The following MYT1L variants were observed in gnomAD, a reference collection of about 807,000 sequenced individuals.
MYT1L encodes myelin transcription factor 1 like.
In MYT1L, 12 loss-of-function variants were observed where a neutral mutation model predicts 126.7. The observed-to-expected ratio is 0.09, with a 90% CI of 0.06 to 0.15. MYT1L has a LOEUF of 0.15. Ranked by LOEUF, MYT1L falls within the 10% of genes least tolerant of loss-of-function variation. MYT1L has a pLI of 1.00. For synonymous variants in MYT1L, 541 were observed against 604.2 expected, an observed-to-expected ratio of 0.90 and a Z score of 1.53; for missense variants, 979 against 1,585.2, an observed-to-expected ratio of 0.62 and a Z score of 6.49.
At chr2:1,982,639 A>C (rs1436394876) in intron 5 of MYT1L, among the ~76,000 whole-genome samples, 1 of 152,190 alleles carries the variant, frequency 6.6e-6, no homozygotes, top group Non-Finnish European at 1.5e-5. Context: ...AAAGACCCAA[A>C]GGCTTGGAGA....
chr2:2,154,256 T>A (rs1243852641), intron 3 of MYT1L, among the ~76,000 whole-genome samples: 2 of 152,174 alleles, frequency 1.3e-5, no homozygotes, highest in African/African-American at 4.8e-5. Context: ...CCACTCACCA[T>A]CTGTTGGGTG....
At chr2:1,810,555 T>G (rs1439325880) in intron 21 of MYT1L, among the ~76,000 whole-genome samples, 1 of 152,218 alleles carries the variant, frequency 6.6e-6, no homozygotes, top group Non-Finnish European at 1.5e-5. Flanking sequence ...TGTGATGATG[T>G]GTTAGTGATA....
At chr2:1,874,525 G>A (rs1018307953) in intron 18 of MYT1L, among the ~76,000 whole-genome samples, 1 of 152,114 alleles carries the variant, frequency 6.6e-6, no homozygotes, top group African/African-American at 2.4e-5. Flanking sequence ...AGGGCATGAT[G>A]GGGGGCAGCC....
At chr2:2,096,531 C>T (rs373911934) in intron 3 of MYT1L, among the ~76,000 whole-genome samples, 6 of 152,304 alleles carry the variant, frequency 3.9e-5, no homozygotes, top group African/African-American at 1.4e-4. Context: ...AACCAAAATG[C>T]CTCATTCTGT....
At chr2:2,197,985 AT>A in intron 2 of MYT1L, among the ~76,000 whole-genome samples, 1 of 130,288 alleles carries the variant, frequency 7.7e-6, no homozygotes, top group Middle Eastern at 4.5e-3. Context: ...AATAACATAC[AT>A]ATATATACAT....
At position 1,943,235 on chromosome 2, in the gene MYT1L, G is replaced by T. The variant is rs569615932; in HGVS notation, c.252C>A (p.Ser84Arg). The change falls in exon 9 of 25, where the codon AGC (serine) becomes AGA (arginine). Residue 84 changes from serine to arginine, a missense_variant. Physicochemically the swap from Ser to Arg is moderately radical, Grantham distance 110 (BLOSUM62 -1). Around this residue, in one of 12 missense-constraint regions of MYT1L, gnomAD observed 111 missense variants for 115.9 expected, o/e 0.96. Coordinates refer to ENST00000647738, the MANE Select transcript of MYT1L (RefSeq NM_001303052.2). The surrounding 1 kb of genome is among the most constrained non-coding windows in gnomAD (Gnocchi z 4.4). ...KRKPFAVKADSSSVDECDDSD... is the reference protein window; with the variant it reads ...KRKPFAVKADRSSVDECDDSD... ...TGTCGTCACACTCATCCACTGAGGA[G>T]CTGTCTGCTTTCACGGCAAATGGCT... 13 of 1,553,792 alleles carry T rather than the reference G, an allele frequency of 8.4e-6. No individual in the cohort carries two copies. The African/African-American group carries it at 1.6e-4, about 20-fold the overall frequency.
intron 18 of MYT1L, among the ~76,000 whole-genome samples, chr2:1,859,710 G>C (rs557583324): frequency 5.3e-5 from 8 of 152,352 alleles, no homozygotes; most frequent in Non-Finnish European, 1.2e-4. Context: ...GTGGCTTGCG[G>C]CTCCAGTGCC....
intron 1 of MYT1L, among the ~76,000 whole-genome samples, chr2:2,308,542 C>A (rs1414109763): frequency 6.6e-6 from 1 of 151,936 alleles, no homozygotes; most frequent in Non-Finnish European, 1.5e-5. Context: ...TATATTCTAC[C>A]CATACTCCAC....
chr2:2,277,314 T>A (rs2095376939), intron 2 of MYT1L, among the ~76,000 whole-genome samples: 1 of 152,232 alleles, frequency 6.6e-6, no homozygotes, highest in South Asian at 2.1e-4. Context: ...TTTACTCATC[T>A]TTTCACCCTT....
At position 2,225,771 on chromosome 2, in the gene MYT1L, T is replaced by C. The variant is rs778003323; in HGVS notation, c.-420-52783A>G. On this transcript the variant is annotated intron_variant, in intron 2 of 24. Coordinates refer to ENST00000647738, the MANE Select transcript of MYT1L (RefSeq NM_001303052.2). Reference sequence around the variant, plus strand: ...AGGTATACAAATGTAAAAAAAAATATCATGGAGAAACTTAAGGGGAAAATA... The same window carrying C: ...AGGTATACAAATGTAAAAAAAAATACCATGGAGAAACTTAAGGGGAAAATA... 1.2e-3 allele frequency among the ~76,000 whole-genome samples: 182 copies of C among 152,030 alleles called. 2 individuals are homozygous for C. Among genetic ancestry groups the C allele is most frequent in the South Asian group, 2.3e-3 (11 of 4,820 alleles).
At chr2:2,256,326 G>A (rs146856695) in intron 2 of MYT1L, among the ~76,000 whole-genome samples, 1 of 152,380 alleles carries the variant, frequency 6.6e-6, no homozygotes, top group African/African-American at 2.4e-5. Context: ...TCTTAGGAAA[G>A]TGAATAAGGG....
In MYT1L at chr2:2,323,216, A is replaced by AT. The variant is rs577664177; in HGVS notation, c.-521+7750dup. ...GTTTCTTTCTTTTTTGAAAAGATAT[A>AT]TTTTTTTAAACAGAAAATTTTCCCC... On this transcript the variant is annotated intron_variant, in intron 1 of 24. Transcript: ENST00000647738. 3.8e-4 allele frequency among the ~76,000 whole-genome samples: 58 copies of AT among 152,200 alleles called. No individual in the cohort carries two copies. In the East Asian group the frequency reaches 9.1e-3, roughly 24 times the overall value.
At chr2:2,190,930 C>T in intron 2 of MYT1L, among the ~76,000 whole-genome samples, 1 of 152,176 alleles carries the variant, frequency 6.6e-6, no homozygotes, top group Non-Finnish European at 1.5e-5. Flanking sequence ...GGATTACAGG[C>T]ATGCACCACC....
At chr2:2,283,412 T>C (rs976441448) in intron 2 of MYT1L, among the ~76,000 whole-genome samples, 1 of 152,198 alleles carries the variant, frequency 6.6e-6, no homozygotes, top group Admixed American at 6.5e-5. Flanking sequence ...ATTGAGAGGA[T>C]AAGTTTCTAA....
chr2:1,966,652 C>T (rs1052103731), intron 8 of MYT1L, among the ~76,000 whole-genome samples: 3 of 151,902 alleles, frequency 2.0e-5, no homozygotes, highest in African/African-American at 7.3e-5. Flanking sequence ...AAACTAAATA[C>T]ATTTGAACAA....
At chr2:2,215,433 A>G (rs112129278) in intron 2 of MYT1L, among the ~76,000 whole-genome samples, 1,799 of 152,366 alleles carry the variant, frequency 0.012, 17 homozygotes, top group Non-Finnish European at 0.016. Flanking sequence ...AAAGCAAAGC[A>G]TACTACCAGG....
chr2:1,891,028 A>T (rs2048802934), intron 15 of MYT1L, among the ~76,000 whole-genome samples: 1 of 152,210 alleles, frequency 6.6e-6, no homozygotes, highest in Non-Finnish European at 1.5e-5. Flanking sequence ...TGTGGTTGCC[A>T]CAGAATCTCT....
intron 19 of MYT1L, 61 bp from the exon 20 acceptor site, chr2:1,840,904 C>CTTTTTT: frequency 2.7e-6 from 2 of 750,374 alleles, no homozygotes; most frequent in Admixed American, 3.0e-5. Flanking sequence ...AGCTTTCTTT[C>CTTTTTT]TTTTTTTTTT....
Position 1,922,274 on chromosome 2 carries a change from T to C in MYT1L, c.1483+12A>G. On this transcript the variant is annotated intron_variant, in intron 10 of 24. Transcript: ENST00000647738. This position sits in a 1 kb window ranked among gnomAD's most constrained non-coding sequence, Gnocchi z 7.4. ...TTTTCATGAGGCAACTTACGTTAGGTAGAAATATTACCTTTACCATAGTAT... is the reference window on the plus strand; with the variant it reads ...TTTTCATGAGGCAACTTACGTTAGGCAGAAATATTACCTTTACCATAGTAT... 6.2e-7 allele frequency: 1 copy of C among 1,608,700 alleles called. No homozygotes were observed. The highest frequency in any genetic ancestry group is 8.5e-7 in the Non-Finnish European group (1 of 1,175,966).
Sources: allele counts gnomAD v4.1 joint callset (sites outside exome capture counted in the v4.1 genomes callset), GRCh38; gene constraint gnomAD v4.1.1; regional missense constraint gnomAD v4.1.1; non-coding constraint Gnocchi (gnomAD v3.1); transcripts MANE v1.5; gene names NCBI Gene and HGNC (gene_info 2026-07-23, HGNC 2026-07-21).